The following NPRL3 variants were observed in gnomAD, a reference collection of about 807,000 sequenced individuals.
The protein encoded by NPRL3 is GATOR1 complex protein NPRL3.
In NPRL3, 23 loss-of-function variants were observed where a neutral mutation model predicts 57.2. The observed-to-expected ratio is 0.40, with a 90% CI of 0.29 to 0.57. The LOEUF (loss-of-function observed/expected upper bound fraction) is 0.57. Ranked by LOEUF, NPRL3 falls within the 20% of genes least tolerant of loss-of-function variation. NPRL3 has a pLI of 0.42. For missense variants in NPRL3, 691 were observed against 767.1 expected (o/e 0.90, Z 1.17); for synonymous variants, 333 against 321.1 (o/e 1.04, Z -0.39).
At chr16:90,386 T>G (rs1413623595) in intron 11 of NPRL3, 1 of 157,516 alleles carries the variant, frequency 6.3e-6, no homozygotes, top group African/African-American at 2.4e-5. Flanking sequence ...AGTCCTCTCC[T>G]TGGATCTACC....
chr16:119,750 G>A (rs773067409), intron 3 of NPRL3, among the ~76,000 whole-genome samples: 1 of 152,244 alleles, frequency 6.6e-6, no homozygotes, highest in Non-Finnish European at 1.5e-5. Flanking sequence ...AGGGATGCGT[G>A]CAGAGCGCTG....
chr16:124,346 T>C (rs1567145137), intron 3 of NPRL3, among the ~76,000 whole-genome samples: 1 of 151,950 alleles, frequency 6.6e-6, no homozygotes, highest in Non-Finnish European at 1.5e-5. Context: ...ATCTTTTCTT[T>C]TCTTTTTTTT....
chr16:114,246 G>A (rs1363239710), intron 5 of NPRL3, among the ~76,000 whole-genome samples: 2 of 152,158 alleles, frequency 1.3e-5, no homozygotes, highest in East Asian at 1.9e-4. Flanking sequence ...CCCCAGTGAC[G>A]CTCAGTGACC....
chr16:85,774 C>T lies in NPRL3; in HGVS notation c.*931G>A. 6.7e-7 allele frequency: 1 copy of T among 1,497,688 alleles called. No homozygotes were observed. Among genetic ancestry groups the T allele is most frequent in the South Asian group, 1.4e-5 (1 of 72,192 alleles). The allele number at this position is 1,497,688 out of a possible 1,614,324, so 92.8% of individuals were successfully genotyped here. A position where few individuals can be genotyped will look rare whatever the true frequency, so the allele number is the denominator to read the frequency against. On this transcript the variant is annotated 3_prime_UTR_variant, in exon 14 of 14. Coordinates refer to ENST00000611875, the MANE Select transcript of NPRL3 (RefSeq NM_001077350.3). ...GAGTGGCTGAGCAGGACACACAGGC[C>T]TGAGCAAAGGGCCTGCCCAGACAAG...
chr16:114,043 G>T (rs1481016482), intron 5 of NPRL3, among the ~76,000 whole-genome samples: 2 of 152,188 alleles, frequency 1.3e-5, no homozygotes, highest in Non-Finnish European at 2.9e-5. Flanking sequence ...GACATATGGG[G>T]TGTATACAAT....
intron 5 of NPRL3, among the ~76,000 whole-genome samples, chr16:115,977 G>C (rs1021919168): frequency 6.6e-6 from 1 of 152,218 alleles, no homozygotes; most frequent in East Asian, 1.9e-4. Context: ...TATTCTTGCT[G>C]AGAACAAGCC....
At chr16:131,439 A>G (rs1230255606) in intron 2 of NPRL3, among the ~76,000 whole-genome samples, 57 of 137,164 alleles carry the variant, frequency 4.2e-4, no homozygotes, top group African/African-American at 1.5e-3. Flanking sequence ...AGATCGCGCC[A>G]CTGTACTCCA....
In NPRL3 at chr16:85,569, G is replaced by A. The variant is rs1898418864; in HGVS notation, c.*1136C>T. On this transcript the variant is annotated 3_prime_UTR_variant, in exon 14 of 14. Coordinates refer to ENST00000611875, the MANE Select transcript of NPRL3 (RefSeq NM_001077350.3). ...TGCCAGGCCCTGGCCATCAACAAGA[G>A]CTTTGACCAGAGGGACCTGGCACAG... 4 of 1,613,246 alleles carry A rather than the reference G, an allele frequency of 2.5e-6. No individual in the cohort carries two copies. The highest frequency in any genetic ancestry group is 2.5e-6 in the Non-Finnish European group (3 of 1,179,914).
chr16:96,738 T>C (rs1899025070), intron 9 of NPRL3, among the ~76,000 whole-genome samples: 1 of 151,224 alleles, frequency 6.6e-6, no homozygotes, highest in South Asian at 2.1e-4. Context: ...TGGATCATGA[T>C]GGCACCACCA....
At position 119,154 on chromosome 16, in the gene NPRL3, G is replaced by A. The variant is rs924048126; in HGVS notation, c.290C>T (p.Pro97Leu). The change falls in exon 4 of 14, where the codon CCA becomes CTA. Residue 97 changes from proline (P) to leucine (L), a missense_variant. By Grantham distance (98) the Pro-to-Leu change is moderately conservative. Coordinates refer to ENST00000611875, the MANE Select transcript of NPRL3 (RefSeq NM_001077350.3). ...CCCCAGAGCATGCTGTAGCAGTGTT[G>A]GGTGCCCAACAAATCGCACATTATC... ...KIDNVRFVGH[P>L]TLLQHALGQI... 2 of 1,613,496 alleles carry A rather than the reference G, an allele frequency of 1.2e-6. No homozygotes were observed. The highest frequency in any genetic ancestry group is 1.1e-5 in the South Asian group (1 of 90,950).
At position 100,502 on chromosome 16, in the gene NPRL3, T is replaced by C. The variant is rs763341816; in HGVS notation, c.637A>G (p.Thr213Ala). ...ATGTGAAGCCGAACTACGCCCGACG[T>C]GCACAGGCTGCAGAGAGTGGGCGCT... ...DLKEAYDSLC[T>A]SGVVRLHINS... Residue 213 changes from threonine to alanine, a missense_variant, in exon 8 of 14, where the codon ACG (threonine) becomes GCG (alanine). By Grantham distance (58) the Thr-to-Ala change is moderately conservative. Transcript: ENST00000611875. 1.3e-6 allele frequency: 2 copies of C among 1,575,320 alleles called. No homozygotes were observed. Among genetic ancestry groups the C allele is most frequent in the Non-Finnish European group, 1.7e-6 (2 of 1,163,902 alleles).
chr16:133,932 G>A (rs1900931625), intron 2 of NPRL3, among the ~76,000 whole-genome samples: 1 of 152,186 alleles, frequency 6.6e-6, no homozygotes, highest in Non-Finnish European at 1.5e-5. Context: ...AAACAGATGG[G>A]CGAACAGCCA....
intron 11 of NPRL3, among the ~76,000 whole-genome samples, chr16:91,683 C>T (rs913461154): frequency 2.6e-5 from 4 of 152,340 alleles, no homozygotes; most frequent in African/African-American, 4.8e-5. Context: ...TAGCGTCTAA[C>T]GGAGCTGAAA....
intron 9 of NPRL3, among the ~76,000 whole-genome samples, chr16:95,559 A>G (rs563135539): frequency 6.6e-6 from 1 of 152,032 alleles, no homozygotes; most frequent in Non-Finnish European, 1.5e-5. Flanking sequence ...GGATTGATAT[A>G]AACATGAAGA....
chr16:108,673 T>TA (rs1899640479), intron 7 of NPRL3, among the ~76,000 whole-genome samples: 2 of 51,334 alleles, frequency 3.9e-5, no homozygotes, highest in Middle Eastern at 8.1e-3. Flanking sequence ...GTTTTTTAAT[T>TA]TTTATTATTA....
Position 87,012 on chromosome 16 carries a change from C to G in NPRL3, c.1545-142G>C, listed in dbSNP as rs1181064474. ...GTGAAGGCCAGGGAGGCAGCCACCA[C>G]AGCCCCCCAACAAGGGTGGGCAGGC... On this transcript the variant is annotated intron_variant, in intron 13 of 13. Coordinates refer to ENST00000611875, the MANE Select transcript of NPRL3 (RefSeq NM_001077350.3). The G allele has an allele frequency of 1.3e-5, 11 of 837,456 alleles. No individual in the cohort carries two copies. In the Admixed American group the frequency reaches 3.1e-4, roughly 24 times the overall value. The allele number at this position is 837,456 out of a possible 1,614,324, so 51.9% of individuals were successfully genotyped here. A position where few individuals can be genotyped will look rare whatever the true frequency, so the allele number is the denominator to read the frequency against.
In NPRL3 at chr16:93,377, G is replaced by A. The variant is rs150812189; in HGVS notation, c.925-52C>T. 5 of 1,245,184 alleles carry A rather than the reference G, an allele frequency of 4.0e-6. No homozygotes were observed. In the African/African-American group the frequency reaches 6.0e-5, roughly 15 times the overall value. 77.1% of individuals were successfully genotyped at this position (1,245,184 alleles called of 1,614,324 possible). A position where few individuals can be genotyped will look rare whatever the true frequency, so the allele number is the denominator to read the frequency against. Reference sequence around the variant, plus strand: ...ACCATGCCTGAGGCTGGCCCACCGGGAGCTGTCAGCAGCTCTCAGCCTGGG... The same window carrying A: ...ACCATGCCTGAGGCTGGCCCACCGGAAGCTGTCAGCAGCTCTCAGCCTGGG... On this transcript the variant is annotated intron_variant, in intron 9 of 13. Coordinates refer to ENST00000611875, the MANE Select transcript of NPRL3 (RefSeq NM_001077350.3).
At chr16:135,608 C>CAAAAAAAAAAAAAAAAAA (rs555589072) in intron 2 of NPRL3, among the ~76,000 whole-genome samples, 1 of 56,850 alleles carries the variant, frequency 1.8e-5, no homozygotes, top group African/African-American at 6.2e-5. Context: ...GACTCTGTCT[C>CAAAAAAAAAAAAAAAAAA]AAAAAAAAAA....
At chr16:124,223 G>A (rs1369431524) in intron 3 of NPRL3, among the ~76,000 whole-genome samples, 2 of 152,230 alleles carry the variant, frequency 1.3e-5, no homozygotes, top group Non-Finnish European at 2.9e-5. Context: ...TCACACAGAA[G>A]TACAGGCTGG....
Sources: allele counts gnomAD v4.1 joint callset (sites outside exome capture counted in the v4.1 genomes callset), GRCh38; gene constraint gnomAD v4.1.1; transcripts MANE v1.5; gene names NCBI Gene and HGNC (gene_info 2026-07-23, HGNC 2026-07-21).